The following GPI variants were observed in gnomAD, a reference collection of about 807,000 sequenced individuals.
GPI encodes D-hexose-6-phosphate anomerase.
GPI carries 56 observed loss-of-function variants against 75.8 expected under a neutral mutation model. The ratio of observed to expected loss-of-function variants is 0.74; its 90% CI spans 0.60 to 0.92. The LOEUF (loss-of-function observed/expected upper bound fraction) is 0.92. GPI is among the 40% of genes least tolerant of loss of function. GPI has a pLI of 0.00. For missense variants in GPI, 638 were observed against 741.0 expected, an observed-to-expected ratio of 0.86 and a Z score of 1.61; for synonymous variants, 288 against 285.4, an observed-to-expected ratio of 1.01 and a Z score of -0.09.
chr19:34,375,976 T>C (rs1599820162), intron 4 of GPI, among the ~76,000 whole-genome samples: 1 of 152,334 alleles, frequency 6.6e-6, no homozygotes, highest in African/African-American at 2.4e-5. Context: ...TTTTCAACAT[T>C]TCACATCTCT....
intron 3 of GPI, 112 bp from the exon 4 acceptor site, chr19:34,368,471 G>A: frequency 1.7e-6 from 2 of 1,170,578 alleles, no homozygotes; most frequent in Admixed American, 1.8e-5. Flanking sequence ...AGAGACCTCA[G>A]GGCCTGCCTG....
chr19:34,370,145 G>T (rs942689830), intron 4 of GPI, among the ~76,000 whole-genome samples: 2 of 152,310 alleles, frequency 1.3e-5, no homozygotes, highest in African/African-American at 4.8e-5. Flanking sequence ...TTCCTTGTGT[G>T]TAGGGTGGTA....
intron 9 of GPI, among the ~76,000 whole-genome samples, chr19:34,390,644 G>C (rs2074808439): frequency 6.6e-6 from 1 of 151,892 alleles, no homozygotes; most frequent in Non-Finnish European, 1.5e-5. Flanking sequence ...TGTCTGAGGA[G>C]GTAACATCTA....
intron 4 of GPI, among the ~76,000 whole-genome samples, chr19:34,374,730 T>A (rs2074507436): frequency 6.6e-6 from 1 of 150,632 alleles, no homozygotes; most frequent in Non-Finnish European, 1.5e-5. Flanking sequence ...TCTTTTTTTC[T>A]TTGTTTTTTT....
intron 7 of GPI, 119 bp downstream of exon 7, chr19:34,379,124 G>T (rs2074600315): frequency 1.2e-6 from 1 of 848,004 alleles, no homozygotes; most frequent in African/African-American, 1.7e-5. Flanking sequence ...AGGCGGCCTT[G>T]CCGGTGCCTG....
Position 34,366,352 on chromosome 19 carries a change from C to A in GPI, c.130C>A (p.Leu44Ile), listed in dbSNP as rs1165634797. The A allele has an allele frequency of 1.2e-6, 2 of 1,609,542 alleles. No individual in the cohort carries two copies. The highest frequency in any genetic ancestry group is 2.2e-5 in the East Asian group (1 of 44,866). The stretch of plus-strand genomic sequence containing the variant: ...ATCTCCATCTTTCTGCAGCTTGACC[C>A]TCAACACCAACCATGGGCATATCCT... ...KDRFNHFSLT[L>I]NTNHGHILVD... Residue 44 changes from leucine to isoleucine, a missense_variant, in exon 2 of 18, where the codon CTC becomes ATC. Transcript: ENST00000356487.
chr19:34,391,567 A>AAG (rs2074834869), intron 9 of GPI, among the ~76,000 whole-genome samples: 1 of 4,186 alleles, frequency 2.4e-4, no homozygotes, highest in African/African-American at 7.8e-4. Context: ...CTGGTATGAG[A>AAG]ATCCGGGTCT....
At chr19:34,387,126 G>A (rs1343080927) in intron 9 of GPI, among the ~76,000 whole-genome samples, 1 of 152,204 alleles carries the variant, frequency 6.6e-6, no homozygotes, top group African/African-American at 2.4e-5. Context: ...CAGTCAAGGT[G>A]TGAGGGGTCA....
chr19:34,363,441 G>A (rs1015726055), upstream of GPI: 6 of 152,326 alleles, frequency 3.9e-5, no homozygotes, highest in African/African-American at 1.2e-4. Flanking sequence ...TTGAGGTTTT[G>A]TTCTGAAACA....
rs148548669 is a variant in GPI, at chr19:34,377,787, G to C, written c.539G>C (p.Arg180Pro). Residue 180 changes from arginine to proline, a missense_variant, in exon 6 of 18, where the codon CGC becomes CCC. Coordinates refer to ENST00000356487, the MANE Select transcript of GPI (RefSeq NM_000175.5). ...ALKPYSSGGP[R>P]VWYVSNIDGT... ...AAGCCATACTCTTCAGGAGGTCCCCGCGTCTGGTATGTCTCCAACATTGAT... is the reference window on the plus strand; with the variant it reads ...AAGCCATACTCTTCAGGAGGTCCCCCCGTCTGGTATGTCTCCAACATTGAT... The C allele has an allele frequency of 1.4e-4, 222 of 1,613,934 alleles. 1 individual carries two copies. The South Asian group carries it at 2.3e-3, about 17-fold the overall frequency.
chr19:34,393,792 T>A lies in GPI; in HGVS notation c.909+21T>A. The A allele has an allele frequency of 2.5e-6, 4 of 1,612,750 alleles. No individual in the cohort carries two copies. Among genetic ancestry groups the A allele is most frequent in the Non-Finnish European group, 3.4e-6 (4 of 1,179,834 alleles). ...GGATGGTGAGTGCTGAGGCTGGTTC[T>A]CTGCCAAGTGCTGGCCAGAGGCGCG... On this transcript the variant is annotated intron_variant, in intron 11 of 17. Transcript: ENST00000356487. The surrounding 1 kb of genome is among the most constrained non-coding windows in gnomAD (Gnocchi z 4.4).
chr19:34,380,121 C>T (rs889105852), intron 8 of GPI, among the ~76,000 whole-genome samples: 14 of 149,262 alleles, frequency 9.4e-5, no homozygotes, highest in African/African-American at 2.7e-4. Flanking sequence ...CTTAGCCTCC[C>T]GAGTAGCTGG....
At position 34,402,265 on chromosome 19, in the gene GPI, CA is replaced by C. The variant is rs1385864953; in HGVS notation, c.*2231del. ...CTTCAGCCTCTGACTGGTGGCAGGC[CA>C]AGTCTTTATTTACATAGGGTGTAAC... On this transcript the variant is annotated 3_prime_UTR_variant, in exon 18 of 18. Transcript: ENST00000356487. 1 of 152,068 alleles carries C rather than the reference CA, an allele frequency of 6.6e-6. No individual in the cohort carries two copies. The highest frequency in any genetic ancestry group is 1.5e-5 in the Non-Finnish European group (1 of 68,030). The allele number at this position is 152,068 out of a possible 1,614,324, so 9.4% of individuals were successfully genotyped here. A position where few individuals can be genotyped will look rare whatever the true frequency, so the allele number is the denominator to read the frequency against.
rs1259023441 is a variant in GPI at position 34,400,365 on chromosome 19, G to C, written c.*329G>C. 8.4e-6 allele frequency: 5 copies of C among 597,424 alleles called. No individual in the cohort carries two copies. Among genetic ancestry groups the C allele is most frequent in the Non-Finnish European group, 1.5e-5 (5 of 337,132 alleles). 37.0% of individuals were successfully genotyped at this position (597,424 alleles called of 1,614,324 possible). On this transcript the variant is annotated 3_prime_UTR_variant, in exon 18 of 18. Transcript: ENST00000356487. ...CAGCCTCTGATTTTTTTTTTCCTGT[G>C]ATGGTGCTTTATGTAGCAGAGGGCA... is the stretch of plus-strand genomic sequence containing the variant.
intron 7 of GPI, 57 bp downstream of exon 7, chr19:34,379,062 TG>T: frequency 6.8e-7 from 1 of 1,473,522 alleles, no homozygotes; most frequent in South Asian, 1.1e-5. Flanking sequence ...AAGAGCAGGG[TG>T]GGCCCCTGAG....
At chr19:34,369,381 C>T (rs1027379462) in intron 4 of GPI, among the ~76,000 whole-genome samples, 1 of 152,062 alleles carries the variant, frequency 6.6e-6, no homozygotes, top group African/African-American at 2.4e-5. Context: ...CCCTTATCAC[C>T]CAGTCTAGAA....
chr19:34,379,060 G>A, intron 7 of GPI, 55 bp downstream of exon 7: 1 of 1,482,084 alleles, frequency 6.7e-7, no homozygotes, highest in African/African-American at 1.4e-5. Context: ...GGAAGAGCAG[G>A]GTGGGCCCCT....
intron 12 of GPI, among the ~76,000 whole-genome samples, chr19:34,395,299 C>T (rs879673941): frequency 6.6e-6 from 1 of 151,494 alleles, no homozygotes; most frequent in Admixed American, 6.6e-5. Flanking sequence ...GAGGCAGAGG[C>T]TGGGGGGAAT....
chr19:34,391,686 T>C, intron 9 of GPI, among the ~76,000 whole-genome samples: 1 of 152,284 alleles, frequency 6.6e-6, no homozygotes, highest in Non-Finnish European at 1.5e-5. Flanking sequence ...TCTGTCAGTA[T>C]CTGAGGAGGT....
Sources: gnomAD v4.1 joint callset for allele counts (sites outside exome capture counted in the v4.1 genomes callset) on GRCh38, gnomAD v4.1.1 for gene constraint, Gnocchi (gnomAD v3.1) non-coding constraint, MANE v1.5 for transcripts, NCBI Gene and HGNC (gene_info 2026-07-23, HGNC 2026-07-21) for gene names.